Variants in DAG1 observed in about 807,000 individuals in gnomAD.
The protein encoded by DAG1 is dystroglycan 1 (dystrophin-associated glycoprotein 1).
In DAG1, 8 loss-of-function variants were observed where a neutral mutation model predicts 46.1. The ratio of observed to expected loss-of-function variants is 0.17; its 90% CI spans 0.10 to 0.31. The LOEUF is 0.31. DAG1 is among the 10% of genes least tolerant of loss of function. The pLI is 1.00. For missense variants in DAG1, 1,003 were observed against 1,189.9 expected (o/e 0.84, Z 2.31); for synonymous variants, 495 against 481.8 (o/e 1.03, Z -0.36).
At chr3:49,528,274 GATTTTTTTTTTTT>G (rs1394372713) in intron 2 of DAG1, among the ~76,000 whole-genome samples, 1 of 60,328 alleles carries the variant, frequency 1.7e-5, no homozygotes, top group East Asian at 2.9e-4. Context: ...GAAATAGTGT[GATTTTTTTTTTTT>G]TTTTTTTTTT....
In DAG1 at chr3:49,533,585, CTG is replaced by C. The variant is rs2051431978; in HGVS notation, c.*388_*389del. 9.9e-6 allele frequency: 4 copies of C among 402,044 alleles called. No homozygotes were observed. Among genetic ancestry groups the C allele is most frequent in the Middle Eastern group, 4.1e-4 (1 of 2,430 alleles). The allele number at this position is 402,044 out of a possible 1,614,324, so 24.9% of individuals were successfully genotyped here. ...CTCTGCGTTTTGCCTTTAACACTAACTGTACTGTTTTTTCTATTCACGTGTGT... is the reference window on the plus strand; with the variant it reads ...CTCTGCGTTTTGCCTTTAACACTAACTACTGTTTTTTCTATTCACGTGTGT... On this transcript the variant is annotated 3_prime_UTR_variant, in exon 3 of 3. Coordinates refer to ENST00000308775, the MANE Select transcript of DAG1 (RefSeq NM_004393.6).
At chr3:49,485,535 C>A (rs2050000730) in intron 1 of DAG1, among the ~76,000 whole-genome samples, 2 of 151,984 alleles carry the variant, frequency 1.3e-5, no homozygotes, top group South Asian at 4.1e-4. Context: ...GCTATTATTT[C>A]ACATTTAATT....
chr3:49,533,342 A>G lies in DAG1; in HGVS notation c.*143A>G. The G allele has an allele frequency of 7.8e-7, 1 of 1,276,664 alleles. No homozygotes were observed. The highest frequency in any genetic ancestry group is 2.0e-5 in the Admixed American group (1 of 50,764). 79.1% of individuals were successfully genotyped at this position (1,276,664 alleles called of 1,614,324 possible). A position where few individuals can be genotyped will look rare whatever the true frequency, so the allele number is the denominator to read the frequency against. On this transcript the variant is annotated 3_prime_UTR_variant, in exon 3 of 3. Transcript: ENST00000308775. ...CACACACTGACACAGGGGCCTGGAC[A>G]AGCCCGCCCTCTCTGGTCCTCCCAA...
rs371509534 is a variant in DAG1 at position 49,531,326 on chromosome 3, C to G, written c.815C>G (p.Pro272Arg). The G allele has an allele frequency of 3.7e-6, 6 of 1,614,194 alleles. No homozygotes were observed. In the South Asian group the frequency reaches 6.6e-5, roughly 18 times the overall value. ...LGCSLNQNSV[P>R]DIHGVEAPAR... ...TGCTCCCTGAACCAGAACAGTGTGCCTGACATTCATGGTGTAGAGGCCCCT... is the reference window on the plus strand; with the variant it reads ...TGCTCCCTGAACCAGAACAGTGTGCGTGACATTCATGGTGTAGAGGCCCCT... Residue 272 changes from proline to arginine, a missense_variant, in exon 3 of 3, where the codon CCT (proline) becomes CGT (arginine). Around this residue, in one of 3 missense-constraint regions of DAG1, gnomAD observed 755 missense variants for 854.1 expected, o/e 0.88. Transcript: ENST00000308775. This position sits in a 1 kb window ranked among gnomAD's most constrained non-coding sequence, Gnocchi z 7.0.
Position 49,531,107 on chromosome 3 carries a change from T to C in DAG1, c.596T>C (p.Leu199Pro). The C allele has an allele frequency of 6.2e-7, 1 of 1,614,148 alleles. No homozygotes were observed. The highest frequency in any genetic ancestry group is 1.3e-5 in the African/African-American group (1 of 75,024). Residue 199 changes from leucine to proline, a missense_variant, in exon 3 of 3, where the codon CTC (leucine) becomes CCC (proline). Physicochemically the swap from Leu to Pro is moderately conservative, Grantham distance 98 (BLOSUM62 -3). Coordinates refer to ENST00000308775, the MANE Select transcript of DAG1 (RefSeq NM_004393.6). The surrounding 1 kb of genome is among the most constrained non-coding windows in gnomAD (Gnocchi z 7.0). Reference protein sequence around the residue: ...TVLTVILDADLTKMTPKQRID... With the variant: ...TVLTVILDADPTKMTPKQRID... ...TTGACGGTGATTTTGGATGCCGACC[T>C]CACCAAGATGACCCCAAAGCAAAGG...
intron 1 of DAG1, among the ~76,000 whole-genome samples, chr3:49,487,075 T>C (rs1022730748): frequency 3.9e-5 from 6 of 152,014 alleles, no homozygotes; most frequent in African/African-American, 1.4e-4. Flanking sequence ...TTAGTAGTAA[T>C]GGGGTTTCTC....
chr3:49,529,840 G>GT (rs2051292377), intron 2 of DAG1, among the ~76,000 whole-genome samples: 1 of 152,156 alleles, frequency 6.6e-6, no homozygotes, highest in African/African-American at 2.4e-5. Context: ...GTTGGTGGAG[G>GT]TTTCTATGGT....
intron 1 of DAG1, among the ~76,000 whole-genome samples, chr3:49,497,290 A>G (rs935340143): frequency 6.6e-6 from 1 of 152,074 alleles, no homozygotes; most frequent in Admixed American, 6.6e-5. Flanking sequence ...TACAAAAATT[A>G]GCTGGACGTC....
In DAG1 at chr3:49,510,641, C is replaced by T. The variant is rs368267740; in HGVS notation, c.107C>T (p.Ser36Leu). 5.6e-6 allele frequency: 9 copies of T among 1,614,086 alleles called. No individual in the cohort carries two copies. The African/African-American group carries it at 1.1e-4, about 19-fold the overall frequency. Residue 36 changes from serine to leucine, a missense_variant, in exon 2 of 3, where the codon TCA (serine) becomes TTA (leucine). Transcript: ENST00000308775. ...MAQSHWPSEP[S>L]EAVRDWENQL... Reference sequence around the variant, plus strand: ...CAGTCCCACTGGCCCAGTGAACCCTCAGAGGCTGTCAGGGACTGGGAAAAC... The same window carrying T: ...CAGTCCCACTGGCCCAGTGAACCCTTAGAGGCTGTCAGGGACTGGGAAAAC...
intron 1 of DAG1, among the ~76,000 whole-genome samples, chr3:49,482,680 C>T (rs1002600263): frequency 1.9e-4 from 29 of 152,070 alleles, no homozygotes; most frequent in African/African-American, 6.8e-4. Flanking sequence ...AAATATTACA[C>T]CATTTTATAT....
chr3:49,527,627 C>T (rs866909360), intron 2 of DAG1, among the ~76,000 whole-genome samples: 2 of 151,958 alleles, frequency 1.3e-5, no homozygotes, highest in Admixed American at 6.6e-5. Flanking sequence ...GGCGTGATCC[C>T]GGGAGGCGGA....
At chr3:49,500,987 A>G (rs979269648) in intron 1 of DAG1, among the ~76,000 whole-genome samples, 3 of 152,244 alleles carry the variant, frequency 2.0e-5, no homozygotes, top group Non-Finnish European at 4.4e-5. Context: ...TAGCACAGGC[A>G]GACATGACCC....
chr3:49,514,805 ATGTGTGTGTG>A (rs138689783), intron 2 of DAG1, among the ~76,000 whole-genome samples: 11 of 145,626 alleles, frequency 7.6e-5, no homozygotes, highest in Admixed American at 1.4e-4. Context: ...CTCCTGGCAT[ATGTGTGTGTG>A]TGTGTGTGTG....
chr3:49,484,342 G>A (rs562916544), intron 1 of DAG1, among the ~76,000 whole-genome samples: 4 of 152,088 alleles, frequency 2.6e-5, no homozygotes, highest in Admixed American at 2.0e-4. Flanking sequence ...TGTAGTGCCA[G>A]CCCTAACCTG....
In DAG1 at chr3:49,531,767, C is replaced by A. The variant is rs2051354922; in HGVS notation, c.1256C>A (p.Pro419His). The change falls in exon 3 of 3, where the codon CCT (proline) becomes CAT (histidine). Residue 419 changes from proline to histidine, a missense_variant. Pro to His is a moderately conservative substitution (Grantham distance 77, BLOSUM62 -2). Coordinates refer to ENST00000308775, the MANE Select transcript of DAG1 (RefSeq NM_004393.6). This position sits in a 1 kb window ranked among gnomAD's most constrained non-coding sequence, Gnocchi z 7.0. ...GTGGAGCCTACTGCAGTTGCTACCC[C>A]TCCCACAACCACCACCAAGAAGCCA... ...GYVEPTAVAT[P>H]PTTTTKKPRV... 1.2e-6 allele frequency: 2 copies of A among 1,613,952 alleles called. No homozygotes were observed. Among genetic ancestry groups the A allele is most frequent in the Admixed American group, 3.3e-5 (2 of 60,008 alleles).
intron 1 of DAG1, among the ~76,000 whole-genome samples, chr3:49,487,692 C>CTTTTTTT (rs10686005): frequency 1.7e-3 from 184 of 105,690 alleles, no homozygotes; most frequent in Non-Finnish European, 2.0e-3. Flanking sequence ...CCCATACATT[C>CTTTTTTT]TTTTTTTTTT....
At chr3:49,484,219 TTG>T (rs1449894178) in intron 1 of DAG1, among the ~76,000 whole-genome samples, 1 of 152,266 alleles carries the variant, frequency 6.6e-6, no homozygotes, top group East Asian at 1.9e-4. Context: ...TCCTAAAACA[TTG>T]TGTTTGCAAG....
At chr3:49,490,502 C>T (rs1414494660) in intron 1 of DAG1, among the ~76,000 whole-genome samples, 2 of 151,876 alleles carry the variant, frequency 1.3e-5, no homozygotes, top group Non-Finnish European at 2.9e-5. Flanking sequence ...TCTATCTATA[C>T]CTTTTTTTCT....
At chr3:49,490,169 C>A (rs555214635) in intron 1 of DAG1, among the ~76,000 whole-genome samples, 1 of 151,850 alleles carries the variant, frequency 6.6e-6, no homozygotes, top group African/African-American at 2.4e-5. Flanking sequence ...CTGGCTAACA[C>A]GGTGAAACCC....
Sources: gnomAD v4.1 joint callset for allele counts (sites outside exome capture counted in the v4.1 genomes callset) on GRCh38, gnomAD v4.1.1 for gene constraint, gnomAD v4.1.1 regional missense constraint, Gnocchi (gnomAD v3.1) non-coding constraint, MANE v1.5 for transcripts, NCBI Gene and HGNC (gene_info 2026-07-23, HGNC 2026-07-21) for gene names.